The following PTPRN2 variants were observed in gnomAD, a reference collection of about 807,000 sequenced individuals.
PTPRN2 encodes receptor-type tyrosine-protein phosphatase N2.
Under a neutral mutation model 118.8 loss-of-function variants are expected in PTPRN2, and 74 were observed. The ratio of observed to expected loss-of-function variants is 0.62; its 90% CI spans 0.52 to 0.76. The LOEUF (loss-of-function observed/expected upper bound fraction) is 0.76, where lower values mean the gene tolerates loss of function less well. Ranked by LOEUF, PTPRN2 falls within the 30% of genes least tolerant of loss-of-function variation. The pLI is 0.00. For missense variants in PTPRN2, 1,481 were observed against 1,394.4 expected (o/e 1.06, Z -0.99); for synonymous variants, 641 against 608.0 (o/e 1.05, Z -0.80).
At chr7:157,733,982 T>G (rs71541697) in intron 12 of PTPRN2, among the ~76,000 whole-genome samples, 1 of 61,392 alleles carries the variant, frequency 1.6e-5, no homozygotes, top group African/African-American at 6.9e-5. Context: ...TCCCGTCCCA[T>G]GCGCCCAGCA....
At chr7:158,045,357 T>C (rs764935997) in intron 11 of PTPRN2, among the ~76,000 whole-genome samples, 30 of 152,212 alleles carry the variant, frequency 2.0e-4, no homozygotes, top group Non-Finnish European at 3.5e-4. Flanking sequence ...ATTAATCAGA[T>C]TTCTAATTTT....
chr7:158,202,324 G>A (rs1826703308), intron 4 of PTPRN2, among the ~76,000 whole-genome samples: 1 of 152,172 alleles, frequency 6.6e-6, no homozygotes. Context: ...TCTCTCCTGG[G>A]CAGGGCCTCA....
chr7:158,151,652 C>T (rs1821176644), intron 6 of PTPRN2, among the ~76,000 whole-genome samples: 1 of 152,066 alleles, frequency 6.6e-6, no homozygotes, highest in African/African-American at 2.4e-5. Context: ...TACTCCCCCG[C>T]CCCCTCCTTC....
At chr7:158,530,819 G>A (rs1195340051) in intron 1 of PTPRN2, among the ~76,000 whole-genome samples, 1 of 152,178 alleles carries the variant, frequency 6.6e-6, no homozygotes, top group Non-Finnish European at 1.5e-5. Context: ...CCTGAGGGGC[G>A]AGGCAAGAGG....
At chr7:157,736,305 A>AC (rs1052274508) in intron 12 of PTPRN2, among the ~76,000 whole-genome samples, 2 of 151,532 alleles carry the variant, frequency 1.3e-5, no homozygotes, top group African/African-American at 2.4e-5. Context: ...CTGAATTGTG[A>AC]CCCCCCAAAT....
At chr7:157,586,254 G>A (rs550328641) in intron 17 of PTPRN2, among the ~76,000 whole-genome samples, 4 of 152,124 alleles carry the variant, frequency 2.6e-5, no homozygotes. Context: ...ATCAAGTAAC[G>A]TGCCTTAAAA....
rs71543622 is a variant in PTPRN2, at chr7:157,931,390, G to A, written c.1724-32653C>T. 4.3e-3 allele frequency among the ~76,000 whole-genome samples: 654 copies of A among 152,304 alleles called. 8 individuals carry two copies. The highest frequency in any genetic ancestry group is 6.5e-3 in the Non-Finnish European group (439 of 68,032). On this transcript the variant is annotated intron_variant, in intron 11 of 22. Transcript: ENST00000389418. ...GGTCCAGTGAGGAGGCGTTTGGCCC[G>A]GGAAAGGGCAGGCCCAATCAGGCCT...
At chr7:158,147,508 A>G (rs1341950495) in intron 6 of PTPRN2, among the ~76,000 whole-genome samples, 17 of 45,774 alleles carry the variant, frequency 3.7e-4, no homozygotes, top group East Asian at 6.2e-4. Flanking sequence ...CTCACGCCAC[A>G]GGTCTTTCCC....
In PTPRN2 at chr7:158,015,217, C is replaced by A. The variant is rs1189429249; in HGVS notation, c.1723+66081G>T. ...CAGAGTGCCAGTCTGTGCCTCATTT[C>A]TACTCCACGTTGAATCTTTGAATCT... On this transcript the variant is annotated intron_variant, in intron 11 of 22. Coordinates refer to ENST00000389418, the MANE Select transcript of PTPRN2 (RefSeq NM_002847.5). This position sits in a 1 kb window ranked among gnomAD's most constrained non-coding sequence, Gnocchi z 4.2. Among the ~76,000 whole-genome samples the A allele has an allele frequency of 6.6e-6, 1 of 152,210 alleles. No homozygotes were observed. Among genetic ancestry groups the A allele is most frequent in the Non-Finnish European group, 1.5e-5 (1 of 68,046 alleles).
At position 157,842,998 on chromosome 7, in the gene PTPRN2, A is replaced by G. The variant is rs1472196981; in HGVS notation, c.1788+55675T>C. On this transcript the variant is annotated intron_variant, in intron 12 of 22. Transcript: ENST00000389418. The stretch of plus-strand genomic sequence containing the variant: ...TTGGACCCGGCCTCCTCCCATCTCT[A>G]AAGTCATGCTCTGTGAACATCGTTA... Among the ~76,000 whole-genome samples, 5 of 152,234 alleles carry G rather than the reference A, an allele frequency of 3.3e-5. No homozygotes were observed. The East Asian group carries it at 9.6e-4, about 29-fold the overall frequency.
In PTPRN2 at chr7:157,595,181, A is replaced by G. The variant is rs1050424469; in HGVS notation, c.2496+57T>C. ...AATCAGATTCAAGACATGATTCGTG[A>G]CCCAGTTATTGAGATCTTCTTTTCA... On this transcript the variant is annotated intron_variant, in intron 17 of 22. Coordinates refer to ENST00000389418, the MANE Select transcript of PTPRN2 (RefSeq NM_002847.5). The G allele has an allele frequency of 9.3e-6, 14 of 1,509,516 alleles. No homozygotes were observed. In the African/African-American group the frequency reaches 1.9e-4, roughly 21 times the overall value. The allele number at this position is 1,509,516 out of a possible 1,614,324, so 93.5% of individuals were successfully genotyped here. A position where few individuals can be genotyped will look rare whatever the true frequency, so the allele number is the denominator to read the frequency against.
At chr7:158,282,335 A>C (rs1470713367) in intron 3 of PTPRN2, among the ~76,000 whole-genome samples, 3 of 152,210 alleles carry the variant, frequency 2.0e-5, no homozygotes, top group African/African-American at 7.2e-5. Context: ...TTTATTGTTA[A>C]ACTCTATAAT....
intron 5 of PTPRN2, among the ~76,000 whole-genome samples, chr7:158,174,789 T>C (rs1824035832): frequency 6.6e-6 from 1 of 152,184 alleles, no homozygotes; most frequent in Non-Finnish European, 1.5e-5. Flanking sequence ...TCAGAGCTGC[T>C]TCCTGGAGCC....
chr7:158,440,811 GGTAGTA>G (rs140454375), intron 2 of PTPRN2, among the ~76,000 whole-genome samples: 45,209 of 118,072 alleles, frequency 0.38, 9,015 homozygotes, highest in Non-Finnish European at 0.46. Context: ...TGGTGATGGT[GGTAGTA>G]GTAGTGGTGG....
Position 157,595,295 on chromosome 7 carries a change from G to T in PTPRN2, c.2439C>A (p.Asn813Lys), listed in dbSNP as rs770511107. ...ASPIMDHDPRNPAYIATQGPL... is the reference protein window; with the variant it reads ...ASPIMDHDPRKPAYIATQGPL... ...GTCCCTGGGTGGCGATGTACGCGGG[G>T]TTCCTCGGGTCGTGATCCATCTGCA... The change falls in exon 17 of 23, where the codon AAC (asparagine) becomes AAA (lysine). Residue 813 changes from asparagine (N) to lysine (K), a missense_variant. Physicochemically the swap from Asn to Lys is moderately conservative, Grantham distance 94 (BLOSUM62 0). Around this residue, in one of 3 missense-constraint regions of PTPRN2, gnomAD observed 362 missense variants for 384.1 expected, o/e 0.94. Coordinates refer to ENST00000389418, the MANE Select transcript of PTPRN2 (RefSeq NM_002847.5). The T allele has an allele frequency of 1.2e-6, 2 of 1,614,206 alleles. No individual in the cohort carries two copies. The highest frequency in any genetic ancestry group is 1.7e-5 in the Admixed American group (1 of 60,026).
At position 158,281,616 on chromosome 7, in the gene PTPRN2, C is replaced by T. The variant is rs528333695; in HGVS notation, c.277+35203G>A. 4.9e-3 allele frequency among the ~76,000 whole-genome samples: 749 copies of T among 152,328 alleles called. 4 individuals are homozygous for T. The highest frequency in any genetic ancestry group is 7.5e-3 in the Non-Finnish European group (512 of 68,018). ...GTGGTGCCCTGCGCATTTGTGCTGG[C>T]TTTGCACCCCCCTCCTGCCACGTCC... On this transcript the variant is annotated intron_variant, in intron 3 of 22. Transcript: ENST00000389418.
At chr7:158,564,506 G>A (rs922671255) in intron 1 of PTPRN2, among the ~76,000 whole-genome samples, 9 of 152,262 alleles carry the variant, frequency 5.9e-5, no homozygotes, top group Admixed American at 2.0e-4. Context: ...TGCCATCCCA[G>A]TGCTCCTGAA....
intron 3 of PTPRN2, among the ~76,000 whole-genome samples, chr7:158,306,426 C>G (rs557575557): frequency 5.3e-5 from 8 of 152,294 alleles, no homozygotes; most frequent in Admixed American, 3.3e-4. Flanking sequence ...TACAACAGAG[C>G]TGTGAACTGC....
chr7:157,838,214 C>CCG (rs1808115292), intron 12 of PTPRN2, among the ~76,000 whole-genome samples: 1 of 150,634 alleles, frequency 6.6e-6, no homozygotes, highest in African/African-American at 2.5e-5. Flanking sequence ...CTCCTCTCCA[C>CCG]TATGCCTACT....
Sources: allele counts gnomAD v4.1 joint callset (sites outside exome capture counted in the v4.1 genomes callset), GRCh38; gene constraint gnomAD v4.1.1; regional missense constraint gnomAD v4.1.1; non-coding constraint Gnocchi (gnomAD v3.1); transcripts MANE v1.5; gene names NCBI Gene and HGNC (gene_info 2026-07-23, HGNC 2026-07-21).